BNC2: variants seen among roughly 807,000 people sequenced by gnomAD.
BNC2 encodes the protein zinc finger protein basonuclin-2.
A neutral mutation model predicts 76.3 loss-of-function variants in BNC2; 20 were observed. That is an observed-to-expected ratio of 0.26 (90% CI 0.18 to 0.38). The LOEUF (loss-of-function observed/expected upper bound fraction) is 0.38. Ranked by LOEUF, BNC2 falls within the 10% of genes least tolerant of loss-of-function variation. BNC2 has a pLI of 1.00. For missense variants in BNC2, 1,382 were observed against 1,399.8 expected (o/e 0.99, Z 0.20); for synonymous variants, 582 against 514.8 (o/e 1.13, Z -1.77).
chr9:16,637,556 T>C (rs142363747), intron 3 of BNC2, among the ~76,000 whole-genome samples: 91 of 152,346 alleles, frequency 6.0e-4, no homozygotes, highest in African/African-American at 1.9e-3. Context: ...GGCTTTATCA[T>C]GCTAATTCCA....
chr9:16,706,411 G>A (rs1823675253), intron 3 of BNC2, among the ~76,000 whole-genome samples: 1 of 152,202 alleles, frequency 6.6e-6, no homozygotes, highest in African/African-American at 2.4e-5. Flanking sequence ...CTACAGCCAG[G>A]TGAGCTGTGA....
chr9:16,834,594 T>C (rs1178450164), intron 1 of BNC2, among the ~76,000 whole-genome samples: 1 of 152,226 alleles, frequency 6.6e-6, no homozygotes, highest in Admixed American at 6.5e-5. Context: ...TCAGGAGACA[T>C]GCATCTTGAA....
intron 3 of BNC2, among the ~76,000 whole-genome samples, chr9:16,692,658 C>T (rs1407003309): frequency 6.6e-6 from 1 of 152,074 alleles, no homozygotes; most frequent in South Asian, 2.1e-4. Context: ...GGAAAGCAAG[C>T]CACAAGGGTC....
At chr9:16,507,349 TC>T (rs1367249190) in intron 5 of BNC2, among the ~76,000 whole-genome samples, 1 of 139,246 alleles carries the variant, frequency 7.2e-6, no homozygotes, top group African/African-American at 2.7e-5. Flanking sequence ...AGCCTACGCC[TC>T]CTGGGTTCAA....
At chr9:16,702,758 G>C (rs72706011) in intron 3 of BNC2, among the ~76,000 whole-genome samples, 6 of 152,126 alleles carry the variant, frequency 3.9e-5, no homozygotes, top group African/African-American at 1.4e-4. Flanking sequence ...CTATGTACTG[G>C]AACTTCAAGT....
intron 1 of BNC2, among the ~76,000 whole-genome samples, chr9:16,760,041 G>A (rs966243863): frequency 3.3e-5 from 5 of 152,212 alleles, no homozygotes; most frequent in African/African-American, 9.6e-5. Flanking sequence ...AAACTCTTAC[G>A]AGCTAAGTAT....
At chr9:16,706,021 G>A (rs1823659314) in intron 3 of BNC2, among the ~76,000 whole-genome samples, 1 of 152,138 alleles carries the variant, frequency 6.6e-6, no homozygotes, top group Non-Finnish European at 1.5e-5. Context: ...CAACATAACT[G>A]ACAAGCAACT....
At chr9:16,584,537 T>C (rs1819718155) in intron 3 of BNC2, among the ~76,000 whole-genome samples, 1 of 152,192 alleles carries the variant, frequency 6.6e-6, no homozygotes, top group African/African-American at 2.4e-5. Context: ...CATCTTTAAT[T>C]TGTGCTTCAA....
intron 3 of BNC2, among the ~76,000 whole-genome samples, chr9:16,614,817 G>A (rs1327320349): frequency 6.6e-6 from 1 of 152,010 alleles, no homozygotes; most frequent in Non-Finnish European, 1.5e-5. Context: ...ATAGCTGGGT[G>A]TGGTGGCACA....
chr9:16,651,949 A>G (rs1361219387), intron 3 of BNC2, among the ~76,000 whole-genome samples: 2 of 152,318 alleles, frequency 1.3e-5, no homozygotes, highest in African/African-American at 4.8e-5. Context: ...CAGATCTTAA[A>G]CCATTCCTAA....
chr9:16,428,357 G>A (rs1387229795), intron 6 of BNC2, among the ~76,000 whole-genome samples: 1 of 152,142 alleles, frequency 6.6e-6, no homozygotes, highest in Non-Finnish European at 1.5e-5. Context: ...TCCAGCTGCA[G>A]GTCTGTGGTT....
In BNC2 at chr9:16,498,296, C is replaced by CATATATAT. The variant is rs150566244; in HGVS notation, c.669+54226_669+54233dup. 3.3e-3 allele frequency among the ~76,000 whole-genome samples: 336 copies of CATATATAT among 102,216 alleles called. 10 individuals are homozygous for CATATATAT. The highest frequency in any genetic ancestry group is 9.5e-3 in the African/African-American group (318 of 33,586). The allele number at this position is 102,216 out of a possible 152,430, so 67.1% of individuals were successfully genotyped here. A position where few individuals can be genotyped will look rare whatever the true frequency, so the allele number is the denominator to read the frequency against. On this transcript the variant is annotated intron_variant, in intron 5 of 6. Coordinates refer to ENST00000380672, the MANE Select transcript of BNC2 (RefSeq NM_017637.6). ...TCCATCATATATATATATATTCCATCATATATATATATGAATATATGATGG... is the reference window on the plus strand; with the variant it reads ...TCCATCATATATATATATATTCCATCATATATATATATATATATATGAATATATGATGG...
Position 16,423,466 on chromosome 9 carries a change from C to T in BNC2, c.2640-3817G>A, listed in dbSNP as rs547397526. On this transcript the variant is annotated intron_variant, in intron 6 of 6. Transcript: ENST00000380672. ...AGTGGTAATCATTAAGGCAGTGGTC[C>T]AAACCTTAGCCCCAGACGTTCACTT... Among the ~76,000 whole-genome samples the T allele has an allele frequency of 2.1e-3, 324 of 152,252 alleles. 2 individuals carry two copies. The highest frequency in any genetic ancestry group is 7.6e-3 in the African/African-American group (316 of 41,536).
intron 1 of BNC2, among the ~76,000 whole-genome samples, chr9:16,804,771 T>C (rs988214283): frequency 1.2e-4 from 19 of 152,002 alleles, no homozygotes; most frequent in African/African-American, 4.3e-4. Flanking sequence ...GGTTTAAAAG[T>C]GGTGTGGAGA....
intron 2 of BNC2, among the ~76,000 whole-genome samples, chr9:16,736,720 T>C (rs1824681895): frequency 6.6e-6 from 1 of 151,626 alleles, no homozygotes; most frequent in Admixed American, 6.6e-5. Flanking sequence ...GTGATCCGCC[T>C]CTCTCGGCCT....
intron 3 of BNC2, chr9:16,665,158 C>T (rs1448937114): frequency 4.6e-6 from 2 of 433,872 alleles, no homozygotes; most frequent in East Asian, 1.5e-4. Flanking sequence ...CACCTGAGGT[C>T]AGGAGTTTGA....
intron 5 of BNC2, among the ~76,000 whole-genome samples, chr9:16,471,071 G>A (rs1821813651): frequency 6.6e-6 from 1 of 152,180 alleles, no homozygotes; most frequent in Non-Finnish European, 1.5e-5. Context: ...AGCTGCCCAA[G>A]ACCATGGGAA....
intron 5 of BNC2, among the ~76,000 whole-genome samples, chr9:16,468,038 C>CTTTTTTTTT (rs1414982362): frequency 5.1e-4 from 75 of 146,206 alleles, no homozygotes; most frequent in African/African-American, 1.8e-3. Context: ...TTCTTTCTTT[C>CTTTTTTTTT]TCTTTTTTTT....
intron 3 of BNC2, among the ~76,000 whole-genome samples, chr9:16,665,386 A>AAGAGGGAGAGAGAGAG (rs1822244165): frequency 1.2e-5 from 1 of 84,302 alleles, no homozygotes; most frequent in African/African-American, 4.9e-5. Flanking sequence ...AAAAAAAAAA[A>AAGAGGGAGAGAGAGAG]AGAGAGAGAG....
Sources: gnomAD v4.1 joint callset for allele counts (sites outside exome capture counted in the v4.1 genomes callset) on GRCh38, gnomAD v4.1.1 for gene constraint, MANE v1.5 for transcripts, NCBI Gene and HGNC (gene_info 2026-07-23, HGNC 2026-07-21) for gene names.